NNMT: variants seen among roughly 807,000 people sequenced by gnomAD.
NNMT encodes the protein nicotinamide N-methyltransferase.
A neutral mutation model predicts 11.7 loss-of-function variants in NNMT; 10 were observed. The observed-to-expected ratio is 0.85, with a 90% CI of 0.53 to 1.45. NNMT has a LOEUF of 1.45. NNMT is among the 40% of genes most tolerant of loss of function. NNMT has a pLI of 0.00. For missense variants in NNMT, 381 were observed against 319.4 expected, an observed-to-expected ratio of 1.19 and a Z score of -1.47; for synonymous variants, 143 against 133.8, an observed-to-expected ratio of 1.07 and a Z score of -0.48.
chr11:114,299,857 C>G (rs1945421037), intron 2 of NNMT, among the ~76,000 whole-genome samples: 1 of 150,466 alleles, frequency 6.6e-6, no homozygotes, highest in Non-Finnish European at 1.5e-5. Context: ...GTAGTGATCT[C>G]TCCTCTTTCA....
chr11:114,290,393 T>C (rs776777999), intron 2 of NNMT, among the ~76,000 whole-genome samples: 3 of 152,236 alleles, frequency 2.0e-5, no homozygotes, highest in African/African-American at 7.2e-5. Flanking sequence ...CTAGTTCTTC[T>C]GCTCTACTAA....
At chr11:114,288,685 C>T (rs1016262541) in intron 2 of NNMT, among the ~76,000 whole-genome samples, 1 of 152,060 alleles carries the variant, frequency 6.6e-6, no homozygotes, top group African/African-American at 2.4e-5. Flanking sequence ...CATTTTTGTG[C>T]CTTGATTTTC....
At chr11:114,310,820 A>C (rs1277963511) in intron 2 of NNMT, among the ~76,000 whole-genome samples, 1 of 151,866 alleles carries the variant, frequency 6.6e-6, no homozygotes, top group Non-Finnish European at 1.5e-5. Context: ...CCCTTTTCTC[A>C]CTTATCTGAT....
intron 2 of NNMT, among the ~76,000 whole-genome samples, chr11:114,282,842 A>G (rs1396006459): frequency 6.6e-6 from 1 of 152,198 alleles, no homozygotes; most frequent in Non-Finnish European, 1.5e-5. Flanking sequence ...TGATGTGAAA[A>G]CAAACATTTA....
At chr11:114,287,827 A>G (rs968159511) in intron 2 of NNMT, among the ~76,000 whole-genome samples, 1 of 152,202 alleles carries the variant, frequency 6.6e-6, no homozygotes, top group African/African-American at 2.4e-5. Flanking sequence ...CAATTTGGAG[A>G]CAAATGACAT....
At chr11:114,288,937 T>G (rs1278966713) in intron 2 of NNMT, among the ~76,000 whole-genome samples, 2 of 152,188 alleles carry the variant, frequency 1.3e-5, no homozygotes, top group East Asian at 3.8e-4. Flanking sequence ...TAGCTAGACT[T>G]ATAAAGTTAG....
chr11:114,265,596 C>T (rs1455406844), intron 2 of NNMT, among the ~76,000 whole-genome samples: 1 of 152,180 alleles, frequency 6.6e-6, no homozygotes, highest in Non-Finnish European at 1.5e-5. Flanking sequence ...GGGATTGAGT[C>T]TGCCTTGGGA....
chr11:114,296,547 G>A lies in NNMT; in HGVS notation c.-10G>A, dbSNP rs1264383659. 2.5e-6 allele frequency: 4 copies of A among 1,613,404 alleles called. No homozygotes were observed. Among genetic ancestry groups the A allele is most frequent in the Admixed American group, 3.3e-5 (2 of 60,018 alleles). The stretch of plus-strand genomic sequence containing the variant: ...AGGGCAGTGCTCCAGTGGTACAGAA[G>A]TGAGACATAATGGAATCAGGCTTCA... On this transcript the variant is annotated 5_prime_UTR_variant, in exon 1 of 3. The change creates a new upstream start codon in the 5' untranslated region. Coordinates refer to ENST00000299964, the MANE Select transcript of NNMT (RefSeq NM_006169.3).
intron 2 of NNMT, among the ~76,000 whole-genome samples, chr11:114,269,856 T>C (rs573512206): frequency 6.6e-6 from 1 of 152,330 alleles, no homozygotes; most frequent in African/African-American, 2.4e-5. Flanking sequence ...TTATTCTTTT[T>C]TTAACTTCTT....
intron 2 of NNMT, among the ~76,000 whole-genome samples, chr11:114,272,774 T>C (rs1045450707): frequency 1.3e-5 from 2 of 152,188 alleles, no homozygotes; most frequent in African/African-American, 4.8e-5. Context: ...ACTAGCCAGG[T>C]TAGACCATTG....
rs1273243042 is a variant in NNMT, at chr11:114,264,889, C to T, written c.-130+1955C>T. ...AAGGGGCTTGGCACTTCCATACCCT[C>T]CCTGGGTGTGCCACTCTCCAGGAAC... On this transcript the variant is annotated intron_variant, in intron 2 of 4. Transcript: ENST00000535401. Among the ~76,000 whole-genome samples the T allele has an allele frequency of 3.9e-5, 6 of 152,318 alleles. No individual in the cohort carries two copies. The South Asian group carries it at 1.0e-3, about 26-fold the overall frequency.
At chr11:114,283,559 G>A (rs566852344) in intron 2 of NNMT, among the ~76,000 whole-genome samples, 7 of 152,302 alleles carry the variant, frequency 4.6e-5, no homozygotes, top group African/African-American at 1.7e-4. Context: ...TCCTTCCACT[G>A]TACAGATTCT....
rs575108530 is a variant in NNMT at position 114,275,422 on chromosome 11, C to A, written c.-130+12488C>A. Among the ~76,000 whole-genome samples the A allele has an allele frequency of 2.0e-4, 30 of 152,316 alleles. No individual in the cohort carries two copies. The East Asian group carries it at 5.6e-3, about 28-fold the overall frequency. The stretch of plus-strand genomic sequence containing the variant: ...TGCACTTGGCTGACTTGTTTTAAGT[C>A]ATGGACCAGGCAGAGAAAGAATGGG... On this transcript the variant is annotated intron_variant, in intron 2 of 4. Coordinates refer to the NNMT transcript ENST00000535401.
intron 2 of NNMT, among the ~76,000 whole-genome samples, chr11:114,277,959 C>T (rs1267052470): frequency 2.0e-5 from 3 of 152,162 alleles, no homozygotes; most frequent in African/African-American, 7.2e-5. Context: ...TTTTTCTCTC[C>T]GTTAGTTCTG....
upstream of NNMT, among the ~76,000 whole-genome samples, chr11:114,292,145 T>C (rs77602080): frequency 0.022 from 3,304 of 152,316 alleles, 87 homozygotes; most frequent in East Asian, 0.071. Flanking sequence ...TATCTTCCTA[T>C]TTACAAATCT....
At chr11:114,302,173 A>C (rs562043243) in intron 2 of NNMT, among the ~76,000 whole-genome samples, 237 of 152,264 alleles carry the variant, frequency 1.6e-3, no homozygotes, top group African/African-American at 5.6e-3. Context: ...TACAGGGTTG[A>C]ATTTAAATCT....
intron 2 of NNMT, among the ~76,000 whole-genome samples, chr11:114,308,580 C>G (rs1293634495): frequency 6.6e-6 from 1 of 152,060 alleles, no homozygotes; most frequent in Non-Finnish European, 1.5e-5. Context: ...ACAGGGCTAC[C>G]TTTTTTTGCA....
chr11:114,308,422 C>T (rs943670358), intron 2 of NNMT, among the ~76,000 whole-genome samples: 4 of 152,060 alleles, frequency 2.6e-5, no homozygotes, highest in Non-Finnish European at 4.4e-5. Context: ...CAGGAGGAAC[C>T]GCCTCTAAAT....
At chr11:114,284,442 G>T (rs1945281927) in intron 2 of NNMT, among the ~76,000 whole-genome samples, 1 of 151,992 alleles carries the variant, frequency 6.6e-6, no homozygotes, top group African/African-American at 2.4e-5. Flanking sequence ...CCCCAACATG[G>T]TTTTTTTTGT....
Sources: allele counts gnomAD v4.1 joint callset (sites outside exome capture counted in the v4.1 genomes callset), GRCh38; gene constraint gnomAD v4.1.1; transcripts MANE v1.5; gene names NCBI Gene and HGNC (gene_info 2026-07-23, HGNC 2026-07-21).